Variants in CASQ2 observed in about 807,000 individuals in gnomAD.
The protein encoded by CASQ2 is calsequestrin 2, also known as calsequestrin-2.
A neutral mutation model predicts 46.5 loss-of-function variants in CASQ2; 49 were observed. The ratio of observed to expected loss-of-function variants is 1.05; its 90% confidence interval spans 0.84 to 1.34. The LOEUF (loss-of-function observed/expected upper bound fraction) is 1.34, where lower values mean the gene tolerates loss of function less well. Among genes scored for constraint, CASQ2 ranks in the 40% most tolerant of loss-of-function variants. The probability of loss-of-function intolerance (pLI) is 0.00; values close to 1 mark genes in which losing one functional copy is unlikely to be tolerated. For missense variants in CASQ2, 486 were observed against 481.3 expected (o/e 1.01, Z -0.09); for synonymous variants, 174 against 168.5 (o/e 1.03, Z -0.25).
intron 5 of CASQ2, among the ~76,000 whole-genome samples, chr1:115,732,379 T>C (rs150411954): frequency 9.8e-4 from 149 of 152,336 alleles, no homozygotes; most frequent in African/African-American, 3.4e-3. Context: ...GGGCCATGTC[T>C]ACAGAAGTGG....
chr1:115,724,952 C>T (rs777576685), intron 7 of CASQ2, among the ~76,000 whole-genome samples: 11 of 152,194 alleles, frequency 7.2e-5, no homozygotes, highest in African/African-American at 7.2e-5. Context: ...GCTATAGTCA[C>T]TGCAGGAAAT....
chr1:115,734,531 G>T (rs1647893051), intron 4 of CASQ2, among the ~76,000 whole-genome samples: 2 of 152,310 alleles, frequency 1.3e-5, no homozygotes, highest in East Asian at 3.9e-4. Context: ...CCAAACAGCA[G>T]TTGTTTTCCA....
chr1:115,757,601 C>T, intron 1 of CASQ2, among the ~76,000 whole-genome samples: 1 of 152,164 alleles, frequency 6.6e-6, no homozygotes, highest in East Asian at 1.9e-4. Context: ...GGAAATGCAA[C>T]CACCACTGGG....
chr1:115,702,098 T>C (rs1654223424), intron 10 of CASQ2, among the ~76,000 whole-genome samples: 1 of 152,104 alleles, frequency 6.6e-6, no homozygotes, highest in Non-Finnish European at 1.5e-5. Flanking sequence ...AATTTTTGTA[T>C]TTTTAGTAGA....
At chr1:115,726,191 A>T (rs1370868615) in intron 6 of CASQ2, among the ~76,000 whole-genome samples, 2 of 152,182 alleles carry the variant, frequency 1.3e-5, no homozygotes, top group African/African-American at 4.8e-5. Flanking sequence ...ACTCGTGTAC[A>T]TGCCAGGTAG....
chr1:115,737,926 C>A (rs372184719), intron 4 of CASQ2, among the ~76,000 whole-genome samples: 12 of 152,160 alleles, frequency 7.9e-5, no homozygotes, highest in Non-Finnish European at 2.9e-5. Flanking sequence ...GGGGAGAATC[C>A]GACTGGGAGG....
intron 1 of CASQ2, among the ~76,000 whole-genome samples, chr1:115,765,549 G>A (rs1649107321): frequency 6.6e-6 from 1 of 151,910 alleles, no homozygotes; most frequent in African/African-American, 2.4e-5. Flanking sequence ...AATAGGTTGA[G>A]ATCAATTTTT....
chr1:115,705,630 C>T (rs773454916), intron 8 of CASQ2, among the ~76,000 whole-genome samples: 12 of 152,178 alleles, frequency 7.9e-5, no homozygotes, highest in Non-Finnish European at 1.2e-4. Flanking sequence ...TGATCCTGTG[C>T]GATCTCTTGA....
At chr1:115,747,746 G>T (rs562267991) in intron 1 of CASQ2, among the ~76,000 whole-genome samples, 10 of 152,056 alleles carry the variant, frequency 6.6e-5, no homozygotes, top group African/African-American at 1.9e-4. Flanking sequence ...AAATTGTATT[G>T]TATTTTTAAT....
chr1:115,705,305 T>C lies in CASQ2; in HGVS notation c.839-13A>G. The stretch of plus-strand genomic sequence containing the variant: ...AATTCGTAGCCATCTGAAACAGGAT[T>C]CAAGAGAGTTGAGTAACCCCTGCAC... On this transcript the variant is annotated splice_polypyrimidine_tract_variant and intron_variant, in intron 8 of 10. Transcript: ENST00000261448. 1 of 1,580,680 alleles carries C rather than the reference T, an allele frequency of 6.3e-7. No individual in the cohort carries two copies. Among genetic ancestry groups the C allele is most frequent in the Non-Finnish European group, 8.7e-7 (1 of 1,149,672 alleles).
intron 7 of CASQ2, 81 bp downstream of exon 7, chr1:115,725,427 T>C: frequency 3.3e-6 from 5 of 1,521,074 alleles, no homozygotes; most frequent in Non-Finnish European, 3.6e-6. Context: ...TGGTTTGAGT[T>C]TGGGGACTTA....
At chr1:115,751,450 C>T (rs911085939) in intron 1 of CASQ2, among the ~76,000 whole-genome samples, 2 of 151,570 alleles carry the variant, frequency 1.3e-5, no homozygotes, top group Non-Finnish European at 2.9e-5. Flanking sequence ...AGGCGGAACA[C>T]GAGGTCAGGA....
At chr1:115,708,556 CA>C (rs1201368646) in intron 8 of CASQ2, among the ~76,000 whole-genome samples, 1 of 152,184 alleles carries the variant, frequency 6.6e-6, no homozygotes, top group Non-Finnish European at 1.5e-5. Flanking sequence ...TTTCTCTCCT[CA>C]TCTTTAAAAC....
chr1:115,752,046 C>T (rs1472882580), intron 1 of CASQ2, among the ~76,000 whole-genome samples: 1 of 152,198 alleles, frequency 6.6e-6, no homozygotes, highest in Non-Finnish European at 1.5e-5. Flanking sequence ...TGCAGGGACG[C>T]CTTGTTCTAA....
intron 7 of CASQ2, 97 bp from the exon 8 acceptor site, chr1:115,717,991 G>C: frequency 1.2e-6 from 1 of 823,722 alleles, no homozygotes; most frequent in Non-Finnish European, 2.1e-6. Flanking sequence ...GGGAATAGGA[G>C]AGGTAGGGAG....
chr1:115,720,284 C>T (rs930034402), intron 7 of CASQ2, among the ~76,000 whole-genome samples: 2 of 152,080 alleles, frequency 1.3e-5, no homozygotes, highest in Non-Finnish European at 2.9e-5. Context: ...TGCTTTCTGG[C>T]TCAGAAGCAG....
intron 8 of CASQ2, among the ~76,000 whole-genome samples, chr1:115,713,294 G>A (rs990184405): frequency 1.3e-5 from 2 of 152,240 alleles, no homozygotes; most frequent in Non-Finnish European, 2.9e-5. Context: ...GGCACTTTGA[G>A]CGCAGGAGCT....
At position 115,717,565 on chromosome 1, in the gene CASQ2, G is replaced by A. The variant is rs147009060; in HGVS notation, c.838+275C>T. ...GCGATTATTAAACTCTTTCTCTGCT[G>A]CAAATCCCACTGACTCAGTGTGTTG... On this transcript the variant is annotated intron_variant, in intron 8 of 10. Transcript: ENST00000261448. Among the ~76,000 whole-genome samples the A allele has an allele frequency of 5.4e-3, 828 of 152,186 alleles. 8 individuals carry two copies. Among genetic ancestry groups the A allele is most frequent in the African/African-American group, 0.019 (794 of 41,416 alleles).
intron 5 of CASQ2, among the ~76,000 whole-genome samples, chr1:115,731,462 C>T (rs967478465): frequency 6.6e-6 from 1 of 152,188 alleles, no homozygotes; most frequent in African/African-American, 2.4e-5. Context: ...GATTCAGTTT[C>T]GGCTTCTCTG....
Sources: allele counts gnomAD v4.1 joint callset (sites outside exome capture counted in the v4.1 genomes callset), GRCh38; gene constraint gnomAD v4.1.1; transcripts MANE v1.5; gene names NCBI Gene and HGNC (gene_info 2026-07-23, HGNC 2026-07-21).